The following OGDH variants were observed in gnomAD, a reference collection of about 807,000 sequenced individuals.
OGDH encodes 2-oxoglutarate dehydrogenase complex component E1.
A neutral mutation model predicts 116.6 loss-of-function variants in OGDH; 38 were observed. The observed-to-expected ratio is 0.33, with a 90% CI of 0.25 to 0.43. OGDH has a LOEUF of 0.43. Ranked by LOEUF, OGDH falls within the 20% of genes least tolerant of loss-of-function variation. The probability of loss-of-function intolerance (pLI) is 1.00; values close to 1 mark genes in which losing one functional copy is unlikely to be tolerated. For missense variants in OGDH, 825 were observed against 1,357.2 expected (o/e 0.61, Z 6.16); for synonymous variants, 488 against 533.3 (o/e 0.92, Z 1.17).
chr7:44,701,300 C>T (rs149479350), intron 19 of OGDH, among the ~76,000 whole-genome samples: 9 of 152,230 alleles, frequency 5.9e-5, no homozygotes, highest in Non-Finnish European at 1.0e-4. Context: ...ATTGGGAGTC[C>T]GAGCAGGCTG....
rs140260664 is a variant in OGDH, at chr7:44,665,414, C to T, written c.518-1322C>T. ...CAAACAAAAAAAACCTCTCCGAAAGCATTAGATAAATAAAGGCTGTAGTTC... is the reference window on the plus strand; with the variant it reads ...CAAACAAAAAAAACCTCTCCGAAAGTATTAGATAAATAAAGGCTGTAGTTC... On this transcript the variant is annotated intron_variant, in intron 4 of 22. Coordinates refer to ENST00000222673, the MANE Select transcript of OGDH (RefSeq NM_002541.4). 1.4e-3 allele frequency among the ~76,000 whole-genome samples: 216 copies of T among 151,990 alleles called. 1 individual carries two copies. The highest frequency in any genetic ancestry group is 5.0e-3 in the African/African-American group (207 of 41,430).
At chr7:44,623,060 G>A (rs748844482) in intron 1 of OGDH, among the ~76,000 whole-genome samples, 3 of 152,094 alleles carry the variant, frequency 2.0e-5, no homozygotes, top group Admixed American at 6.5e-5. Flanking sequence ...CCCCACCCAC[G>A]TCTCCCTTGC....
intron 4 of OGDH, among the ~76,000 whole-genome samples, chr7:44,665,389 C>T (rs1470543217): frequency 6.9e-6 from 1 of 144,592 alleles, no homozygotes; most frequent in Admixed American, 6.9e-5. Flanking sequence ...CAAAACAAAA[C>T]AAACAAAAAA....
Position 44,697,308 on chromosome 7 carries a change from C to T in OGDH, c.2052-62C>T, listed in dbSNP as rs929254085. 1.7e-5 allele frequency: 28 copies of T among 1,604,354 alleles called. No individual in the cohort carries two copies. Among genetic ancestry groups the T allele is most frequent in the African/African-American group, 1.2e-4 (9 of 74,770 alleles). ...GCATCTGCTGGTGCTTCGTGCGGGT[C>T]CCCAGCGTATTTGCTTGTCAAGTCA... On this transcript the variant is annotated intron_variant, in intron 15 of 22. Coordinates refer to ENST00000222673, the MANE Select transcript of OGDH (RefSeq NM_002541.4). The surrounding 1 kb of genome is among the most constrained non-coding windows in gnomAD (Gnocchi z 6.0).
At chr7:44,698,365 C>A in intron 18 of OGDH, 102 bp downstream of exon 18, 2 of 1,206,020 alleles carry the variant, frequency 1.7e-6, no homozygotes, top group South Asian at 1.3e-5. Flanking sequence ...GCAGACCGTG[C>A]CTCTGTCCCT....
chr7:44,631,528 C>G (rs1411256185), intron 2 of OGDH, among the ~76,000 whole-genome samples: 1 of 152,232 alleles, frequency 6.6e-6, no homozygotes, highest in Non-Finnish European at 1.5e-5. Flanking sequence ...GTTAAATCAG[C>G]TAAACTGACT....
chr7:44,676,182 C>A, intron 9 of OGDH, 33 bp downstream of exon 9: 8 of 1,613,990 alleles, frequency 5.0e-6, no homozygotes, highest in African/African-American at 1.3e-5. Flanking sequence ...CAAGGCAGAT[C>A]GTCAAGGCCC....
At chr7:44,628,382 C>T (rs1286354652) in intron 2 of OGDH, among the ~76,000 whole-genome samples, 1 of 151,466 alleles carries the variant, frequency 6.6e-6, no homozygotes, top group Non-Finnish European at 1.5e-5. Flanking sequence ...TTTTATTTTA[C>T]TTTTTTTTAC....
intron 10 of OGDH, among the ~76,000 whole-genome samples, chr7:44,693,332 G>A (rs1054915631): frequency 1.3e-5 from 2 of 151,840 alleles, no homozygotes; most frequent in Non-Finnish European, 1.5e-5. Context: ...TTCTTAGGCT[G>A]GGCACAGTGC....
chr7:44,703,758 A>G (rs753278829), intron 20 of OGDH, among the ~76,000 whole-genome samples: 9 of 151,670 alleles, frequency 5.9e-5, no homozygotes, highest in Non-Finnish European at 1.2e-4. Context: ...GGTGGCGCAT[A>G]CCTGTAATCC....
chr7:44,678,909 A>T (rs1251498399), intron 9 of OGDH, among the ~76,000 whole-genome samples: 1 of 152,254 alleles, frequency 6.6e-6, no homozygotes, highest in Admixed American at 6.5e-5. Flanking sequence ...CCATAACCTC[A>T]TGCATGATTG....
intron 2 of OGDH, among the ~76,000 whole-genome samples, chr7:44,641,842 G>GCACAGC (rs1436505663): frequency 6.6e-6 from 1 of 152,200 alleles, no homozygotes; most frequent in East Asian, 1.9e-4. Context: ...GTGTATTTGT[G>GCACAGC]CACAGCCACC....
intron 18 of OGDH, among the ~76,000 whole-genome samples, chr7:44,699,447 A>C (rs945915390): frequency 6.8e-6 from 1 of 147,568 alleles, no homozygotes; most frequent in African/African-American, 2.6e-5. Flanking sequence ...AAAAAAAAAA[A>C]AACTCAAAGA....
chr7:44,697,014 G>A lies in OGDH; in HGVS notation c.2001G>A (p.Glu667=). 8 of 1,614,230 alleles carry A rather than the reference G, an allele frequency of 5.0e-6. No homozygotes were observed. Among genetic ancestry groups the A allele is most frequent in the Non-Finnish European group, 6.8e-6 (8 of 1,180,032 alleles). ...TGGCGTTTGGCTCGCTCCTGAAGGA[G>A]GGCATCCACATTCGGCTGAGCGGCC... The part of the protein sequence containing the change: ...EYMAFGSLLK[E]GIHIRLSGQD... The change falls in exon 15 of 23, where the codon GAG becomes GAA. Residue 667 remains glutamate, a synonymous_variant. Transcript: ENST00000222673. This position sits in a 1 kb window ranked among gnomAD's most constrained non-coding sequence, Gnocchi z 6.0.
At position 44,707,747 on chromosome 7, in the gene OGDH, A is replaced by T. The variant is rs1475060489; in HGVS notation, c.2951+11A>T. The T allele has an allele frequency of 6.2e-7, 1 of 1,614,094 alleles. No individual in the cohort carries two copies. Among genetic ancestry groups the T allele is most frequent in the South Asian group, 1.1e-5 (1 of 91,088 alleles). On this transcript the variant is annotated intron_variant, in intron 22 of 22. Coordinates refer to ENST00000222673, the MANE Select transcript of OGDH (RefSeq NM_002541.4). This position sits in a 1 kb window ranked among gnomAD's most constrained non-coding sequence, Gnocchi z 5.2. The stretch of plus-strand genomic sequence containing the variant: ...CGCCAAGCCCGTCTGGTAAGGCTTC[A>T]GTCCCTGCCAGGAAGGCTGTGGGAC...
chr7:44,675,099 G>A (rs1252416399), intron 7 of OGDH, 79 bp from the exon 8 acceptor site: 2 of 1,109,408 alleles, frequency 1.8e-6, no homozygotes, highest in Admixed American at 1.8e-5. Context: ...AGGGGGAGGG[G>A]GGGATTGTAA....
intron 2 of OGDH, among the ~76,000 whole-genome samples, chr7:44,639,080 C>T (rs1675602374): frequency 6.6e-6 from 1 of 152,140 alleles, no homozygotes; most frequent in Non-Finnish European, 1.5e-5. Flanking sequence ...AGCTGCCAGG[C>T]CTGCGGGAAG....
At chr7:44,658,097 T>A (rs1786774479) in intron 4 of OGDH, among the ~76,000 whole-genome samples, 3 of 152,244 alleles carry the variant, frequency 2.0e-5, no homozygotes, top group Admixed American at 2.0e-4. Context: ...GGCCTTTTCC[T>A]TCTCCATATA....
At chr7:44,662,065 A>G (rs1786971111) in intron 4 of OGDH, among the ~76,000 whole-genome samples, 1 of 152,236 alleles carries the variant, frequency 6.6e-6, no homozygotes, top group African/African-American at 2.4e-5. Flanking sequence ...CATTTATAAT[A>G]TAATTATCTT....
Sources: gnomAD v4.1 joint callset for allele counts (sites outside exome capture counted in the v4.1 genomes callset) on GRCh38, gnomAD v4.1.1 for gene constraint, Gnocchi (gnomAD v3.1) non-coding constraint, MANE v1.5 for transcripts, NCBI Gene and HGNC (gene_info 2026-07-23, HGNC 2026-07-21) for gene names.